The following DNMT3A variants were observed in gnomAD, a reference collection of about 807,000 sequenced individuals.
The protein encoded by DNMT3A is DNA (cytosine-5)-methyltransferase 3A.
DNMT3A carries 267 observed loss-of-function variants against 117.6 expected under a neutral mutation model. The ratio of observed to expected loss-of-function variants is 2.27; its 90% CI spans 2.05 to 2.51. DNMT3A has a LOEUF of 2.51. DNMT3A is among the 30% of genes most tolerant of loss of function. The pLI is 0.00. For missense variants in DNMT3A, 1,029 were observed against 1,260.2 expected (o/e 0.82, Z 2.78); for synonymous variants, 432 against 474.8 (o/e 0.91, Z 1.17).
chr2:25,238,031 G>A (rs1005617354), intron 20 of DNMT3A, among the ~76,000 whole-genome samples: 16 of 152,214 alleles, frequency 1.1e-4, no homozygotes, highest in African/African-American at 3.9e-4. Context: ...CTGCCCAGTC[G>A]GCCCTGCATG....
intron 12 of DNMT3A, among the ~76,000 whole-genome samples, chr2:25,245,565 G>GA (rs1310932090): frequency 6.6e-6 from 1 of 152,226 alleles, no homozygotes; most frequent in Non-Finnish European, 1.5e-5. Context: ...CAGCAGGACA[G>GA]AAACCTGCTC....
intron 3 of DNMT3A, among the ~76,000 whole-genome samples, chr2:25,287,461 G>A (rs2032394910): frequency 6.6e-6 from 1 of 152,030 alleles, no homozygotes; most frequent in Non-Finnish European, 1.5e-5. Flanking sequence ...CCACTTCCTG[G>A]GGTCCCTCCG....
chr2:25,246,986 A>G (rs898788283), intron 9 of DNMT3A, 65 bp downstream of exon 9: 1 of 1,566,388 alleles, frequency 6.4e-7, no homozygotes, highest in African/African-American at 1.4e-5. Flanking sequence ...CCCGACCTGC[A>G]CTCCAACTTC....
chr2:25,247,118 CT>C lies in DNMT3A; in HGVS notation c.1054del (p.Ser352ValfsTer55). On this transcript the variant is annotated frameshift_variant, in exon 9 of 23. Transcript: ENST00000321117. LOFTEE classifies it high-confidence loss of function. The surrounding 1 kb of genome is among the most constrained non-coding windows in gnomAD (Gnocchi z 5.6). The stretch of plus-strand genomic sequence containing the variant: ...GTTGTACGTGGCCTGGTGGAACGCA[CT>C]GCAAAACGAGCTCAGCGGCATCAGC... Reference protein sequence around the residue: ...EKLMPLSSFCSAFHQATYNKQ... With the variant: ...EKLMPLSSFCXAFHQATYNKQ... The C allele has an allele frequency of 6.2e-7, 1 of 1,614,120 alleles. No homozygotes were observed. The highest frequency in any genetic ancestry group is 8.5e-7 in the Non-Finnish European group (1 of 1,179,990).
At chr2:25,300,338 C>A in intron 2 of DNMT3A, 95 bp from the exon 3 acceptor site, 4 of 1,372,096 alleles carry the variant, frequency 2.9e-6, no homozygotes, top group South Asian at 1.3e-5. Flanking sequence ...TCCCTTCCAG[C>A]CCCAGCCTCC....
At chr2:25,278,153 C>T (rs190909537) in intron 4 of DNMT3A, among the ~76,000 whole-genome samples, 15 of 152,320 alleles carry the variant, frequency 9.8e-5, no homozygotes, top group Admixed American at 9.1e-4. Flanking sequence ...TGCTCCTGGC[C>T]CAGGCCCAGG....
rs1036696061 is a variant in DNMT3A, at chr2:25,246,763, C to T, written c.1136G>A (p.Arg379His). ...IYEVLQVASS[R>H]AGKLFPVCHD... The stretch of plus-strand genomic sequence containing the variant: ...GCACACCGGGAACAGCTTCCCCGCG[C>T]GGCTGCTGGCCACCTGGAGGGTGAC... Residue 379 changes from arginine to histidine, a missense_variant, in exon 10 of 23, where the codon CGC (arginine) becomes CAC (histidine). Coordinates refer to ENST00000321117, the MANE Select transcript of DNMT3A (RefSeq NM_022552.5). 5 of 1,613,330 alleles carry T rather than the reference C, an allele frequency of 3.1e-6. No homozygotes were observed. The highest frequency in any genetic ancestry group is 1.3e-5 in the African/African-American group (1 of 74,940).
rs981716400 is a variant in DNMT3A, at chr2:25,304,455, C to T, written c.73-4212G>A. 6.6e-6 allele frequency among the ~76,000 whole-genome samples: 1 copy of T among 152,208 alleles called. No homozygotes were observed. The highest frequency in any genetic ancestry group is 1.5e-5 in the Non-Finnish European group (1 of 68,028). ...ACTCCATCCTCCCCATCCCCCTCTC[C>T]CTGCCTCGTGCAAATCCCAGCACGC... On this transcript the variant is annotated intron_variant, in intron 2 of 22. Coordinates refer to ENST00000321117, the MANE Select transcript of DNMT3A (RefSeq NM_022552.5). The surrounding 1 kb of genome is among the most constrained non-coding windows in gnomAD (Gnocchi z 4.3).
upstream of DNMT3A, chr2:25,342,337 C>T (rs967893724): frequency 6.6e-6 from 1 of 151,478 alleles, no homozygotes; most frequent in Non-Finnish European, 1.5e-5. The surrounding 1 kb of genome is among the most constrained non-coding windows in gnomAD (Gnocchi z 5.9). Context: ...GGGCGCCCCG[C>T]CTCGGCCGCG....
chr2:25,290,599 G>C (rs1230289264), intron 3 of DNMT3A, among the ~76,000 whole-genome samples: 1 of 152,216 alleles, frequency 6.6e-6, no homozygotes, highest in Non-Finnish European at 1.5e-5. Context: ...TGAGATTACA[G>C]GCGTGAGCCA....
At chr2:25,276,445 A>G (rs2031417861) in intron 4 of DNMT3A, among the ~76,000 whole-genome samples, 1 of 152,150 alleles carries the variant, frequency 6.6e-6, no homozygotes, top group Non-Finnish European at 1.5e-5. Context: ...TTCCCTAAGG[A>G]TTCATTTCCT....
In DNMT3A at chr2:25,244,613, C is replaced by T. The variant is rs951361433; in HGVS notation, c.1594G>A (p.Gly532Ser). The T allele has an allele frequency of 3.1e-6, 5 of 1,613,940 alleles. No homozygotes were observed. The highest frequency in any genetic ancestry group is 4.2e-6 in the Non-Finnish European group (5 of 1,179,954). Residue 532 changes from glycine (G) to serine (S), a missense_variant, in exon 14 of 23, where the codon GGC becomes AGC. By Grantham distance (56) the Gly-to-Ser change is moderately conservative (BLOSUM62 0). Coordinates refer to ENST00000321117, the MANE Select transcript of DNMT3A (RefSeq NM_022552.5). ...CAGATGGTGCAGTAGGACTGGTAGC[C>T]GTCGTCGTCGTACTGGTACGCACAC... ...LECAYQYDDD[G>S]YQSYCTICCG...
chr2:25,335,082 G>A (rs1204393232), intron 1 of DNMT3A, among the ~76,000 whole-genome samples: 1 of 152,116 alleles, frequency 6.6e-6, no homozygotes, highest in African/African-American at 2.4e-5. Context: ...ACCTAAACAT[G>A]TGTATATTTG....
chr2:25,340,444 G>C (rs1052635750), intron 1 of DNMT3A, among the ~76,000 whole-genome samples: 1 of 152,102 alleles, frequency 6.6e-6, no homozygotes, highest in African/African-American at 2.4e-5. Flanking sequence ...CCAGGGCCGC[G>C]GGCCCCAGCG....
At position 25,291,546 on chromosome 2, in the gene DNMT3A, G is replaced by A. The variant is rs1345481692; in HGVS notation, c.177+8593C>T. On this transcript the variant is annotated intron_variant, in intron 3 of 22. Coordinates refer to ENST00000321117, the MANE Select transcript of DNMT3A (RefSeq NM_022552.5). ...CTCCTCCAATTTCCCTTTTCCCTGT[G>A]GGGTGGCTAAAAGCGCAGCCAGTGG... Among the ~76,000 whole-genome samples, 4 of 152,240 alleles carry A rather than the reference G, an allele frequency of 2.6e-5. No individual in the cohort carries two copies. In the East Asian group the frequency reaches 5.8e-4, roughly 22 times the overall value.
intron 1 of DNMT3A, among the ~76,000 whole-genome samples, chr2:25,333,494 TA>T (rs201394748): frequency 0.045 from 6,789 of 152,092 alleles, 502 homozygotes; most frequent in African/African-American, 0.15. Flanking sequence ...CACACCCAGC[TA>T]AATTTTTGTA....
In DNMT3A at chr2:25,288,009, T is replaced by G. The variant is rs1028308299; in HGVS notation, c.178-5298A>C. On this transcript the variant is annotated intron_variant, in intron 3 of 22. Coordinates refer to ENST00000321117, the MANE Select transcript of DNMT3A (RefSeq NM_022552.5). ...GCTATTACACTTGGCTAACTTTTTG[T>G]ATTTTTGGTAAAGATGGGGTTTCAC... Among the ~76,000 whole-genome samples the G allele has an allele frequency of 2.6e-5, 4 of 151,908 alleles. No homozygotes were observed. The South Asian group carries it at 8.3e-4, about 32-fold the overall frequency.
At position 25,232,743 on chromosome 2, in the gene DNMT3A, TTGGG is replaced by T. The variant is rs1367759929; in HGVS notation, c.*1532_*1535del. 5.5e-6 allele frequency: 1 copy of T among 181,410 alleles called. No individual in the cohort carries two copies. The highest frequency in any genetic ancestry group is 1.2e-5 in the Non-Finnish European group (1 of 85,098). 11.2% of individuals were successfully genotyped at this position (181,410 alleles called of 1,614,324 possible). A position where few individuals can be genotyped will look rare whatever the true frequency, so the allele number is the denominator to read the frequency against. ...GGTTTGAAACCTAAAGGGAAGGGTG[TTGGG>T]TTTTTGTTTTCTTAAAGAAAATCTT... On this transcript the variant is annotated 3_prime_UTR_variant, in exon 23 of 23. Transcript: ENST00000321117. This position sits in a 1 kb window ranked among gnomAD's most constrained non-coding sequence, Gnocchi z 4.1.
chr2:25,330,352 C>A (rs865969767), intron 1 of DNMT3A, among the ~76,000 whole-genome samples: 1 of 152,158 alleles, frequency 6.6e-6, no homozygotes, highest in Non-Finnish European at 1.5e-5. Context: ...TGGACCGCAG[C>A]CCCCACCCCA....
Sources: gnomAD v4.1 joint callset for allele counts (sites outside exome capture counted in the v4.1 genomes callset) on GRCh38, gnomAD v4.1.1 for gene constraint, Gnocchi (gnomAD v3.1) non-coding constraint, MANE v1.5 for transcripts, NCBI Gene and HGNC (gene_info 2026-07-23, HGNC 2026-07-21) for gene names.